MICU3: variants seen among roughly 807,000 people sequenced by gnomAD.
MICU3 encodes mitochondrial calcium uptake 3.
In MICU3, 62 loss-of-function variants were observed where a neutral mutation model predicts 66.5. The ratio of observed to expected loss-of-function variants is 0.93; its 90% CI spans 0.76 to 1.15. The LOEUF is 1.15. Ranked by LOEUF, MICU3 falls within the 50% of genes most tolerant of loss-of-function variation. MICU3 has a pLI of 0.00. For missense variants in MICU3, 779 were observed against 664.4 expected (o/e 1.17, Z -1.90); for synonymous variants, 308 against 240.7 (o/e 1.28, Z -2.59).
intron 5 of MICU3, among the ~76,000 whole-genome samples, chr8:17,083,057 G>A (rs1821432563): frequency 2.0e-5 from 3 of 152,024 alleles, no homozygotes; most frequent in African/African-American, 4.8e-5. Context: ...TGAATTTCCC[G>A]AGCATTCAGG....
chr8:17,131,402 G>GA, the MICU3 span: 1 of 9,920 alleles, frequency 1.0e-4, no homozygotes, highest in Non-Finnish European at 1.8e-4. Flanking sequence ...TGCCAGGGGG[G>GA]CCATCCACAG....
At chr8:17,104,643 C>G (rs1193635551) in intron 10 of MICU3, 152 bp downstream of exon 10, 2 of 406,430 alleles carry the variant, frequency 4.9e-6, no homozygotes, top group African/African-American at 2.1e-5. Flanking sequence ...TTTATCAGTA[C>G]CTACATACCA....
chr8:17,137,460 C>T, the MICU3 span, among the ~76,000 whole-genome samples: 5 of 145,700 alleles, frequency 3.4e-5, no homozygotes, highest in South Asian at 2.1e-4. Flanking sequence ...AGACAGACCA[C>T]GGAAGGAAGA....
Position 17,030,832 on chromosome 8 carries a change from TTGG to T in MICU3, c.381+3174_381+3176del, listed in dbSNP as rs532190847. Reference sequence around the variant, plus strand: ...GCAAATATTAATACCTTACTTCTATTTGGTCTCTGCAGAACTCAGGTAGTGCCT... The same window carrying T: ...GCAAATATTAATACCTTACTTCTATTTCTCTGCAGAACTCAGGTAGTGCCT... On this transcript the variant is annotated intron_variant, in intron 1 of 14. Coordinates refer to ENST00000318063, the MANE Select transcript of MICU3 (RefSeq NM_181723.3). 7.0e-4 allele frequency among the ~76,000 whole-genome samples: 106 copies of T among 152,326 alleles called. 1 individual carries two copies. In the East Asian group the frequency reaches 0.02, roughly 28 times the overall value.
intron 5 of MICU3, 140 bp from the exon 6 acceptor site, chr8:17,085,096 G>T (rs977130764): frequency 1.9e-5 from 9 of 469,680 alleles, no homozygotes; most frequent in African/African-American, 1.6e-4. Context: ...TAATTATAAA[G>T]CAGAAATATA....
intron 8 of MICU3, among the ~76,000 whole-genome samples, chr8:17,091,073 C>T (rs1430181006): frequency 6.6e-6 from 1 of 151,532 alleles, no homozygotes; most frequent in African/African-American, 2.4e-5. Context: ...ATTTCCTCTG[C>T]TCTACACAAA....
rs556077883 is a variant in MICU3, at chr8:17,092,401, A to T, written c.888+1817A>T. Among the ~76,000 whole-genome samples the T allele has an allele frequency of 2.5e-4, 38 of 152,156 alleles. 1 individual carries two copies. Among genetic ancestry groups the T allele is most frequent in the Middle Eastern group, 3.4e-3 (1 of 294 alleles). On this transcript the variant is annotated intron_variant, in intron 8 of 14. Transcript: ENST00000318063. ...AAATTGCAGTCACTGAGACATTAAG[A>T]CAATATTGAGAAGCAGACTTAAATC...
At chr8:17,054,929 G>T (rs985837620) in intron 1 of MICU3, among the ~76,000 whole-genome samples, 1 of 151,668 alleles carries the variant, frequency 6.6e-6, no homozygotes, top group African/African-American at 2.4e-5. Context: ...AGTAGAGATG[G>T]GGTTTCACTA....
intron 8 of MICU3, among the ~76,000 whole-genome samples, chr8:17,091,682 A>G (rs915078971): frequency 7.9e-5 from 12 of 152,172 alleles, no homozygotes; most frequent in African/African-American, 2.6e-4. Flanking sequence ...TGTTTTGTTT[A>G]CTTACAAGAT....
At chr8:17,065,525 CA>C (rs1818547258) in intron 2 of MICU3, among the ~76,000 whole-genome samples, 1 of 151,908 alleles carries the variant, frequency 6.6e-6, no homozygotes, top group Non-Finnish European at 1.5e-5. Context: ...GATGAATGGA[CA>C]AAAGGCTTTG....
At chr8:17,113,271 CTTCTCTCTG>C (rs1199109804) in intron 11 of MICU3, among the ~76,000 whole-genome samples, 1 of 152,174 alleles carries the variant, frequency 6.6e-6, no homozygotes, top group Non-Finnish European at 1.5e-5. Context: ...GCCTTCTGCT[CTTCTCTCTG>C]TTCTCTTTCT....
chr8:17,030,981 C>G (rs187331926), intron 1 of MICU3, among the ~76,000 whole-genome samples: 46 of 151,720 alleles, frequency 3.0e-4, no homozygotes, highest in Non-Finnish European at 6.2e-4. Context: ...GTATTTTTAC[C>G]TTTTTATACT....
chr8:17,135,209 G>A, the MICU3 span, among the ~76,000 whole-genome samples: 1,502 of 152,228 alleles, frequency 9.9e-3, 33 homozygotes, highest in African/African-American at 0.033. Flanking sequence ...GACCAGCCTG[G>A]CCAAGATGGT....
chr8:17,085,225 T>C lies in MICU3; in HGVS notation c.695-11T>C. 1 of 1,591,138 alleles carries C rather than the reference T, an allele frequency of 6.3e-7. No individual in the cohort carries two copies. Among genetic ancestry groups the C allele is most frequent in the Non-Finnish European group, 8.6e-7 (1 of 1,167,696 alleles). On this transcript the variant is annotated splice_polypyrimidine_tract_variant and intron_variant, in intron 5 of 14. Coordinates refer to ENST00000318063, the MANE Select transcript of MICU3 (RefSeq NM_181723.3). Reference sequence around the variant, plus strand: ...CCATTTTGTGAATACCTTCTCTGTTTTTTCTGGCAGAGCCACATGCAGGGT... The same window carrying C: ...CCATTTTGTGAATACCTTCTCTGTTCTTTCTGGCAGAGCCACATGCAGGGT...
At chr8:17,083,817 T>C (rs1279104410) in intron 5 of MICU3, among the ~76,000 whole-genome samples, 1 of 152,054 alleles carries the variant, frequency 6.6e-6, no homozygotes, top group Non-Finnish European at 1.5e-5. Flanking sequence ...AAAGTTACCT[T>C]GTTTGACAAA....
chr8:17,042,224 T>G (rs1212834598), intron 1 of MICU3, among the ~76,000 whole-genome samples: 1 of 152,232 alleles, frequency 6.6e-6, no homozygotes. Flanking sequence ...ACACAGCAAA[T>G]GCACCAAACT....
intron 3 of MICU3, among the ~76,000 whole-genome samples, chr8:17,070,655 A>G (rs1178556831): frequency 1.2e-4 from 18 of 150,508 alleles, no homozygotes; most frequent in Non-Finnish European, 2.1e-4. Flanking sequence ...TTTTTTAAAA[A>G]AAAGAATATT....
chr8:17,077,115 A>C (rs1220536294), intron 3 of MICU3, among the ~76,000 whole-genome samples: 1 of 152,202 alleles, frequency 6.6e-6, no homozygotes, highest in Admixed American at 6.5e-5. Flanking sequence ...AGCAGCAGTG[A>C]TAGTTTGAGT....
intron 11 of MICU3, among the ~76,000 whole-genome samples, chr8:17,105,915 T>C (rs747609285): frequency 6.6e-6 from 1 of 151,970 alleles, no homozygotes; most frequent in Non-Finnish European, 1.5e-5. Flanking sequence ...TAAAAAACAG[T>C]TTATGTTGAC....
Sources: allele counts gnomAD v4.1 joint callset (sites outside exome capture counted in the v4.1 genomes callset), GRCh38; gene constraint gnomAD v4.1.1; transcripts MANE v1.5; gene names NCBI Gene and HGNC (gene_info 2026-07-23, HGNC 2026-07-21).